BTNL8: variants seen among roughly 807,000 people sequenced by gnomAD.
BTNL8 encodes butyrophilin like 8.
A neutral mutation model predicts 36.1 loss-of-function variants in BTNL8; 22 were observed. That is an observed-to-expected ratio of 0.61 (90% CI 0.44 to 0.87). BTNL8 has a LOEUF of 0.87. Ranked by LOEUF, BTNL8 falls within the 40% of genes least tolerant of loss-of-function variation. BTNL8 has a pLI of 0.00. For missense variants in BTNL8, 526 were observed against 616.9 expected, an observed-to-expected ratio of 0.85 and a Z score of 1.56; for synonymous variants, 203 against 235.6, an observed-to-expected ratio of 0.86 and a Z score of 1.27.
intron 3 of BTNL8, among the ~76,000 whole-genome samples, chr5:180,912,731 T>C (rs939566897): frequency 4.6e-5 from 7 of 152,130 alleles, no homozygotes; most frequent in African/African-American, 1.7e-4. Flanking sequence ...TGAAAGTTCA[T>C]GTTGTGATCT....
chr5:180,931,965 C>T (rs755075095), intron 3 of BTNL8, among the ~76,000 whole-genome samples: 2 of 152,144 alleles, frequency 1.3e-5, no homozygotes, highest in African/African-American at 2.4e-5. Context: ...TAAGTATATA[C>T]TCAAAGGATT....
rs1250351012 is a variant in BTNL8 at position 180,935,208 on chromosome 5, G to C, written c.674-12304G>C. Among the ~76,000 whole-genome samples the C allele has an allele frequency of 1.3e-5, 2 of 152,138 alleles. No homozygotes were observed. The highest frequency in any genetic ancestry group is 1.3e-4 in the Admixed American group (2 of 15,282). Reference sequence around the variant, plus strand: ...GACTCCAGGCAGTGGACTCCACCCGGAACTGGCAGCCCAGCCCCCAGGCTT... The same window carrying C: ...GACTCCAGGCAGTGGACTCCACCCGCAACTGGCAGCCCAGCCCCCAGGCTT... On this transcript the variant is annotated intron_variant, in intron 3 of 7. Coordinates refer to ENST00000340184, the MANE Select transcript of BTNL8 (RefSeq NM_001040462.3). This position sits in a 1 kb window ranked among gnomAD's most constrained non-coding sequence, Gnocchi z 4.8.
At chr5:180,939,498 G>A (rs1220774774) in intron 3 of BTNL8, among the ~76,000 whole-genome samples, 1 of 152,130 alleles carries the variant, frequency 6.6e-6, no homozygotes, top group East Asian at 1.9e-4. Context: ...AATTCAACAA[G>A]AGGATATAGC....
rs368211844 is a variant in BTNL8 at position 180,918,028 on chromosome 5, C to CAA, written c.673+6428_673+6429dup. ...TGGGTGACAGAGTGAGATTCTGTCT[C>CAA]AAAAAAAAAAAAAAAGAAATAAACA... On this transcript the variant is annotated intron_variant, in intron 3 of 7. Coordinates refer to ENST00000340184, the MANE Select transcript of BTNL8 (RefSeq NM_001040462.3). Among the ~76,000 whole-genome samples the CAA allele has an allele frequency of 4.7e-3, 544 of 114,870 alleles. 2 individuals carry two copies. The highest frequency in any genetic ancestry group is 0.01 in the Middle Eastern group (2 of 200). 75.4% of individuals were successfully genotyped at this position (114,870 alleles called of 152,430 possible).
intron 3 of BTNL8, among the ~76,000 whole-genome samples, chr5:180,934,286 G>A (rs1342918864): frequency 6.6e-6 from 1 of 152,236 alleles, no homozygotes; most frequent in African/African-American, 2.4e-5. Flanking sequence ...TACAGGGAAT[G>A]TACTTCAATA....
chr5:180,950,032 G>C lies in BTNL8; in HGVS notation c.991G>C (p.Val331Leu). 6.8e-7 allele frequency: 1 copy of C among 1,462,368 alleles called. No individual in the cohort carries two copies. The highest frequency in any genetic ancestry group is 9.4e-7 in the Non-Finnish European group (1 of 1,058,612). The allele number at this position is 1,462,368 out of a possible 1,614,324, so 90.6% of individuals were successfully genotyped here. A position where few individuals can be genotyped will look rare whatever the true frequency, so the allele number is the denominator to read the frequency against. The change falls in exon 8 of 8, where the codon GTG becomes CTG. Residue 331 changes from valine (V) to leucine (L), a missense_variant. Physicochemically the swap from Val to Leu is conservative, Grantham distance 32. This residue lies in a region of BTNL8 where 176 missense variants were observed against 292.3 expected (regional missense o/e 0.60). Coordinates refer to ENST00000340184, the MANE Select transcript of BTNL8 (RefSeq NM_001040462.3). ...SEKRFTRKSV[V>L]ASQSFQAGKH... ...GAAGAGATTTACAAGGAAGAGTGTGGTGGCTTCTCAGAGTTTCCAAGCAGG... is the reference window on the plus strand; with the variant it reads ...GAAGAGATTTACAAGGAAGAGTGTGCTGGCTTCTCAGAGTTTCCAAGCAGG...
chr5:180,938,415 T>C (rs919147923), intron 3 of BTNL8, among the ~76,000 whole-genome samples: 6 of 152,312 alleles, frequency 3.9e-5, no homozygotes, highest in African/African-American at 1.2e-4. Flanking sequence ...TTTAGTCAAA[T>C]TGTCAAAAGG....
chr5:180,915,517 G>A (rs1757588077), intron 3 of BTNL8, among the ~76,000 whole-genome samples: 1 of 152,206 alleles, frequency 6.6e-6, no homozygotes, highest in African/African-American at 2.4e-5. Context: ...AACGAGAAAA[G>A]TAAAGCAGGT....
At chr5:180,899,992 G>A (rs960184166) in intron 1 of BTNL8, among the ~76,000 whole-genome samples, 2 of 152,150 alleles carry the variant, frequency 1.3e-5, no homozygotes, top group Non-Finnish European at 2.9e-5. Context: ...CAGAAGATTC[G>A]ATTGACTGTG....
rs2113840998 is a variant in BTNL8 at position 180,935,648 on chromosome 5, G to A, written c.674-11864G>A. On this transcript the variant is annotated intron_variant, in intron 3 of 7. Transcript: ENST00000340184. This position sits in a 1 kb window ranked among gnomAD's most constrained non-coding sequence, Gnocchi z 4.8. Reference sequence around the variant, plus strand: ...AGTGATGCCTGGGTCTGGAGCTGCGGCTGGGTGACTGCAGTTGTGCCCCAG... The same window carrying A: ...AGTGATGCCTGGGTCTGGAGCTGCGACTGGGTGACTGCAGTTGTGCCCCAG... 6.6e-6 allele frequency among the ~76,000 whole-genome samples: 1 copy of A among 152,314 alleles called. No homozygotes were observed. The highest frequency in any genetic ancestry group is 1.9e-4 in the East Asian group (1 of 5,160).
At chr5:180,932,791 C>G (rs569282267) in intron 3 of BTNL8, among the ~76,000 whole-genome samples, 1 of 152,144 alleles carries the variant, frequency 6.6e-6, no homozygotes, top group South Asian at 2.1e-4. Context: ...ATCTACAAAA[C>G]CAACATAAAA....
intron 2 of BTNL8, 57 bp downstream of exon 2, chr5:180,908,990 G>C: frequency 6.6e-7 from 1 of 1,511,420 alleles, no homozygotes. Flanking sequence ...GACTTTATAA[G>C]TGTTTTTTTC....
intron 3 of BTNL8, among the ~76,000 whole-genome samples, chr5:180,945,577 T>C (rs1345170858): frequency 6.6e-6 from 1 of 152,106 alleles, no homozygotes; most frequent in Admixed American, 6.6e-5. Context: ...AGAGGGTTAA[T>C]AACCAAAATA....
intron 1 of BTNL8, among the ~76,000 whole-genome samples, chr5:180,900,792 G>C (rs983900829): frequency 6.6e-6 from 1 of 152,210 alleles, no homozygotes; most frequent in African/African-American, 2.4e-5. Flanking sequence ...GTGGCAACTG[G>C]GACCCAGTCC....
chr5:180,942,463 C>A (rs1354336420), intron 3 of BTNL8, among the ~76,000 whole-genome samples: 1 of 152,140 alleles, frequency 6.6e-6, no homozygotes, highest in East Asian at 1.9e-4. Flanking sequence ...TATGGAGCCA[C>A]AAAAGACTCC....
chr5:180,909,249 A>G (rs1757272071), intron 2 of BTNL8, among the ~76,000 whole-genome samples: 1 of 152,164 alleles, frequency 6.6e-6, no homozygotes, highest in African/African-American at 2.4e-5. Flanking sequence ...CTGTAATTTC[A>G]AGAATGTTAC....
At chr5:180,930,633 T>G (rs1758328939) in intron 3 of BTNL8, among the ~76,000 whole-genome samples, 1 of 152,184 alleles carries the variant, frequency 6.6e-6, no homozygotes. Context: ...AAAATCAATG[T>G]GCAAAAATCA....
At chr5:180,929,251 C>A (rs1212889875) in intron 3 of BTNL8, among the ~76,000 whole-genome samples, 2 of 152,038 alleles carry the variant, frequency 1.3e-5, no homozygotes, top group Non-Finnish European at 2.9e-5. Flanking sequence ...AATAAATAAG[C>A]TCTTTGAAAC....
At chr5:180,942,947 CA>C (rs1266404050) in intron 3 of BTNL8, among the ~76,000 whole-genome samples, 1 of 151,838 alleles carries the variant, frequency 6.6e-6, no homozygotes, top group African/African-American at 2.4e-5. Flanking sequence ...GTGATTATAT[CA>C]AACTGAAAAG....
Sources: allele counts gnomAD v4.1 joint callset (sites outside exome capture counted in the v4.1 genomes callset), GRCh38; gene constraint gnomAD v4.1.1; regional missense constraint gnomAD v4.1.1; non-coding constraint Gnocchi (gnomAD v3.1); transcripts MANE v1.5; gene names NCBI Gene and HGNC (gene_info 2026-07-23, HGNC 2026-07-21).